The following SIL1 variants were observed in gnomAD, a reference collection of about 807,000 sequenced individuals.
SIL1 encodes the protein nucleotide exchange factor SIL1.
Under a neutral mutation model 49.1 loss-of-function variants are expected in SIL1, and 40 were observed. That is an observed-to-expected ratio of 0.81 (90% CI 0.63 to 1.06). The LOEUF is 1.06. Ranked by LOEUF, SIL1 falls within the 50% of genes least tolerant of loss-of-function variation. The pLI is 0.00. For missense variants in SIL1, 500 were observed against 572.6 expected (o/e 0.87, Z 1.29); for synonymous variants, 253 against 250.8 (o/e 1.01, Z -0.08).
chr5:139,025,464 T>C (rs1456037774), intron 6 of SIL1, among the ~76,000 whole-genome samples: 2 of 152,222 alleles, frequency 1.3e-5, no homozygotes, highest in Non-Finnish European at 2.9e-5. Context: ...AATGAATTAA[T>C]GCATACAGAG....
chr5:139,152,341 C>T (rs528547478), intron 1 of SIL1, among the ~76,000 whole-genome samples: 1 of 152,118 alleles, frequency 6.6e-6, no homozygotes, highest in Non-Finnish European at 1.5e-5. Context: ...GAGGGATTGG[C>T]CAGGCACAGT....
At chr5:139,027,617 G>T (rs1768689184) in intron 5 of SIL1, among the ~76,000 whole-genome samples, 1 of 152,138 alleles carries the variant, frequency 6.6e-6, no homozygotes, top group Non-Finnish European at 1.5e-5. Context: ...AATTTTCTCT[G>T]AATCCTTCCC....
intron 3 of SIL1, among the ~76,000 whole-genome samples, chr5:139,097,969 T>A (rs1417844119): frequency 1.3e-5 from 2 of 152,164 alleles, no homozygotes; most frequent in Admixed American, 1.3e-4. Context: ...GGAAAGAGAT[T>A]CCATGTCCAT....
intron 3 of SIL1, among the ~76,000 whole-genome samples, chr5:139,118,827 C>A (rs1240115673): frequency 4.6e-5 from 7 of 152,172 alleles, no homozygotes; most frequent in Admixed American, 4.6e-4. Context: ...TTTACTGGGG[C>A]CTCCACTGGT....
At chr5:139,017,663 G>A (rs1032533350) in intron 7 of SIL1, among the ~76,000 whole-genome samples, 2 of 152,124 alleles carry the variant, frequency 1.3e-5, no homozygotes, top group Non-Finnish European at 2.9e-5. Flanking sequence ...TGACGGTTAC[G>A]AGGTAAAGGA....
At chr5:139,124,051 C>T (rs1415684455) in intron 2 of SIL1, among the ~76,000 whole-genome samples, 3 of 152,106 alleles carry the variant, frequency 2.0e-5, no homozygotes, top group African/African-American at 7.2e-5. Flanking sequence ...CACCCAGCCT[C>T]AATCCTTGTT....
chr5:139,117,485 G>A (rs1398894669), intron 3 of SIL1, among the ~76,000 whole-genome samples: 1 of 152,166 alleles, frequency 6.6e-6, no homozygotes, highest in East Asian at 1.9e-4. Flanking sequence ...GGAGCCCATT[G>A]AAGTGGCTGT....
At chr5:139,162,457 C>T (rs545303618) in intron 1 of SIL1, among the ~76,000 whole-genome samples, 1 of 152,282 alleles carries the variant, frequency 6.6e-6, no homozygotes, top group East Asian at 1.9e-4. Flanking sequence ...ACCACAAACT[C>T]CCCCTTCCAG....
At chr5:138,958,734 A>G (rs1450869534) in intron 7 of SIL1, among the ~76,000 whole-genome samples, 1 of 152,168 alleles carries the variant, frequency 6.6e-6, no homozygotes, top group Non-Finnish European at 1.5e-5. Flanking sequence ...AGCCAAAAAA[A>G]AAAAAGAAAA....
In SIL1 at chr5:139,080,290, C is replaced by T. The variant is rs186968789; in HGVS notation, c.245-29244G>A. On this transcript the variant is annotated intron_variant, in intron 3 of 9. Transcript: ENST00000394817. ...ACAGTGTGGACACAAATGGATCATT[C>T]CACAGAAAAAGCTGTGGGCTAATGT... Among the ~76,000 whole-genome samples, 276 of 152,280 alleles carry T rather than the reference C, an allele frequency of 1.8e-3. 2 individuals carry two copies. Among genetic ancestry groups the T allele is most frequent in the Admixed American group, 5.1e-3 (78 of 15,286 alleles).
At chr5:139,090,981 T>G (rs540595448) in intron 3 of SIL1, among the ~76,000 whole-genome samples, 1 of 152,328 alleles carries the variant, frequency 6.6e-6, no homozygotes, top group South Asian at 2.1e-4. Context: ...ATTAACCCCA[T>G]GTCTTATGCC....
intron 3 of SIL1, among the ~76,000 whole-genome samples, chr5:139,111,486 G>A (rs1056489338): frequency 7.2e-5 from 11 of 152,062 alleles, no homozygotes; most frequent in Non-Finnish European, 1.5e-4. Flanking sequence ...CCCCACCTCA[G>A]GGAAGCCTTT....
intron 1 of SIL1, among the ~76,000 whole-genome samples, chr5:139,159,555 T>C (rs945700156): frequency 6.6e-6 from 1 of 152,180 alleles, no homozygotes; most frequent in Non-Finnish European, 1.5e-5. Context: ...GCTTTGAGGC[T>C]TCTTGGGGAA....
Position 139,085,120 on chromosome 5 carries a change from G to A in SIL1, c.245-34074C>T, listed in dbSNP as rs146819606. Among the ~76,000 whole-genome samples, 7 of 152,290 alleles carry A rather than the reference G, an allele frequency of 4.6e-5. No homozygotes were observed. The East Asian group carries it at 1.3e-3, about 29-fold the overall frequency. On this transcript the variant is annotated intron_variant, in intron 3 of 9. Coordinates refer to ENST00000394817, the MANE Select transcript of SIL1 (RefSeq NM_022464.5). ...ACAGGTAAAAATGATACAGGCTAAG[G>A]GACGGGGGAGTGGAGAAGGAGAGAA... is the stretch of plus-strand genomic sequence containing the variant.
At chr5:138,981,314 T>A (rs1176915346) in intron 7 of SIL1, among the ~76,000 whole-genome samples, 1 of 151,790 alleles carries the variant, frequency 6.6e-6, no homozygotes, top group Non-Finnish European at 1.5e-5. Context: ...AAGCTGATAA[T>A]GGCACTCATG....
chr5:139,164,603 A>G (rs1751580348), intron 1 of SIL1, among the ~76,000 whole-genome samples: 1 of 152,174 alleles, frequency 6.6e-6, no homozygotes, highest in African/African-American at 2.4e-5. Context: ...TTGAGCACCT[A>G]CCATGTGCCA....
chr5:139,023,227 C>G (rs962344273), intron 6 of SIL1, among the ~76,000 whole-genome samples: 1 of 151,140 alleles, frequency 6.6e-6, no homozygotes. Flanking sequence ...AAAAGCTGGG[C>G]CCCCCCCTGG....
intron 3 of SIL1, among the ~76,000 whole-genome samples, chr5:139,073,504 A>G (rs1457512107): frequency 6.6e-6 from 1 of 152,188 alleles, no homozygotes; most frequent in Non-Finnish European, 1.5e-5. Context: ...AGAAGCAGAG[A>G]GCAGAATCAT....
intron 1 of SIL1, among the ~76,000 whole-genome samples, chr5:139,163,339 A>G (rs1751553284): frequency 6.6e-6 from 1 of 152,134 alleles, no homozygotes; most frequent in African/African-American, 2.4e-5. Flanking sequence ...TAATTTCCCC[A>G]AAAGAAATGC....
Sources: gnomAD v4.1 joint callset for allele counts (sites outside exome capture counted in the v4.1 genomes callset) on GRCh38, gnomAD v4.1.1 for gene constraint, MANE v1.5 for transcripts, NCBI Gene and HGNC (gene_info 2026-07-23, HGNC 2026-07-21) for gene names.